The following FAM156A variants were observed in gnomAD, a reference collection of about 807,000 sequenced individuals.
FAM156A encodes the protein family with sequence similarity 156 member A, also known as protein FAM156A/FAM156B.
chrX:52,979,217 T>C (rs147048319), intron 1 of FAM156A, among the ~76,000 whole-genome samples: 6,670 of 111,118 alleles, frequency 0.06, 494 homozygotes, highest in African/African-American at 0.21. Flanking sequence ...CCTACTGGCC[T>C]TTCTCCTTGA....
chrX:52,973,999 A>C (rs1204493265), intron 1 of FAM156A, among the ~76,000 whole-genome samples: 1 of 110,587 alleles, frequency 9.0e-6, no homozygotes, highest in Non-Finnish European at 1.9e-5. Context: ...CTTATTTAGA[A>C]AAAAGGTCTC....
At chrX:52,992,953 C>G (rs1322040370) in intron 1 of FAM156A, among the ~76,000 whole-genome samples, 2 of 111,809 alleles carry the variant, frequency 1.8e-5, no homozygotes, top group African/African-American at 6.5e-5. Flanking sequence ...GGGCTCAAGC[C>G]CTGTGTCTCC....
At chrX:52,992,461 C>T (rs1256042362) in intron 1 of FAM156A, among the ~76,000 whole-genome samples, 1 of 111,540 alleles carries the variant, frequency 9.0e-6, no homozygotes, top group Non-Finnish European at 1.9e-5. Context: ...AGACCTGGAG[C>T]CCAGGGGAGG....
chrX:52,982,507 G>A (rs1310989333), intron 1 of FAM156A, among the ~76,000 whole-genome samples: 15 of 111,032 alleles, frequency 1.4e-4, no homozygotes, highest in African/African-American at 2.0e-4. Flanking sequence ...TGTAAGTAAC[G>A]ATATATTAAT....
At chrX:52,993,864 G>A (rs1930978418) in intron 1 of FAM156A, among the ~76,000 whole-genome samples, 1 of 111,621 alleles carries the variant, frequency 9.0e-6, no homozygotes, top group African/African-American at 3.3e-5. Flanking sequence ...AGACGCTCAG[G>A]AAATTCTTGT....
At chrX:52,992,965 G>A (rs1386392922) in intron 1 of FAM156A, among the ~76,000 whole-genome samples, 3 of 111,798 alleles carry the variant, frequency 2.7e-5, no homozygotes, top group Non-Finnish European at 3.8e-5. Flanking sequence ...TGTGTCTCCC[G>A]TGGCACAATA....
intron 1 of FAM156A, among the ~76,000 whole-genome samples, chrX:52,975,799 G>A (rs1294265123): frequency 1.8e-5 from 2 of 112,262 alleles, no homozygotes; most frequent in Non-Finnish European, 3.8e-5. Flanking sequence ...GCCATGTGCT[G>A]CCAAATTGCG....
intron 1 of FAM156A, among the ~76,000 whole-genome samples, chrX:52,973,817 C>T (rs1929228976): frequency 9.0e-6 from 1 of 110,855 alleles, no homozygotes; most frequent in African/African-American, 3.3e-5. Context: ...TGCACGCCGC[C>T]ACGCCTGGCT....
At chrX:52,990,911 G>T (rs1486188031) in intron 1 of FAM156A, among the ~76,000 whole-genome samples, 1 of 111,562 alleles carries the variant, frequency 9.0e-6, no homozygotes, top group South Asian at 3.8e-4. Flanking sequence ...GAAGGCCTCG[G>T]CAAAGGACTG....
chrX:52,991,707 C>T (rs1187173645), intron 1 of FAM156A, among the ~76,000 whole-genome samples: 5 of 112,445 alleles, frequency 4.4e-5, no homozygotes, highest in South Asian at 7.4e-4. Flanking sequence ...ATGACAGTTA[C>T]CATCAAGGCT....
intron 1 of FAM156A, among the ~76,000 whole-genome samples, chrX:52,976,537 G>C (rs1458645581): frequency 2.7e-5 from 3 of 112,152 alleles, no homozygotes; most frequent in Non-Finnish European, 5.6e-5. Context: ...CAAAATGATT[G>C]AGTTTCCCAC....
At chrX:52,988,895 G>T (rs1465007448) in intron 1 of FAM156A, among the ~76,000 whole-genome samples, 1 of 111,743 alleles carries the variant, frequency 8.9e-6, no homozygotes, top group Admixed American at 9.5e-5. Context: ...TTACAAGTAG[G>T]GTTACTCTAT....
Position 52,983,373 on chromosome X carries a change from A to C in FAM156A, c.-434+11933T>G, listed in dbSNP as rs782809500. Among the ~76,000 whole-genome samples, 3 of 105,475 alleles carry C rather than the reference A, an allele frequency of 2.8e-5. No individual in the cohort carries two copies. The East Asian group carries it at 8.5e-4, about 30-fold the overall frequency. The allele number at this position is 105,475 out of a possible 115,157, so 91.6% of individuals were successfully genotyped here. A position where few individuals can be genotyped will look rare whatever the true frequency, so the allele number is the denominator to read the frequency against. On this transcript the variant is annotated intron_variant, in intron 1 of 4. Transcript: ENST00000610625. ...ATTTTATCATACATCCAGATGCAGC[A>C]GCCATAAAACAAAAAAAAAAGCTAT...
chrX:52,991,894 C>G (rs983971245), intron 1 of FAM156A, among the ~76,000 whole-genome samples: 1 of 108,247 alleles, frequency 9.2e-6, no homozygotes, highest in African/African-American at 3.4e-5. Context: ...TTCACATAAC[C>G]CTGTGAGGAG....
At chrX:52,977,136 G>GTA (rs1323009999) in intron 1 of FAM156A, among the ~76,000 whole-genome samples, 2 of 97,976 alleles carry the variant, frequency 2.0e-5, no homozygotes, top group Non-Finnish European at 4.1e-5. Flanking sequence ...ATCTTGATAC[G>GTA]TATATATATA....
chrX:52,984,876 AAAAAAC>A (rs1930160370), intron 1 of FAM156A, among the ~76,000 whole-genome samples: 1 of 109,586 alleles, frequency 9.1e-6, no homozygotes, highest in African/African-American at 3.3e-5. Flanking sequence ...CTCAAAAAAC[AAAAAAC>A]AAAAACAAAA....
chrX:52,992,244 G>A (rs1395693344), intron 1 of FAM156A, among the ~76,000 whole-genome samples: 1 of 111,435 alleles, frequency 9.0e-6, no homozygotes, highest in Non-Finnish European at 1.9e-5. Context: ...AAGCCCACAT[G>A]TCCTGGGCTA....
At chrX:52,987,640 C>A (rs1243227887) in intron 1 of FAM156A, among the ~76,000 whole-genome samples, 2 of 105,635 alleles carry the variant, frequency 1.9e-5, no homozygotes, top group African/African-American at 7.0e-5. Flanking sequence ...AGAGTAAGAC[C>A]CTGTCTCAAA....
At chrX:52,993,214 C>G (rs1422705595) in intron 1 of FAM156A, among the ~76,000 whole-genome samples, 1 of 110,527 alleles carries the variant, frequency 9.0e-6, no homozygotes, top group African/African-American at 3.3e-5. Context: ...CAGGTGCTTC[C>G]CCTGCTCCAG....
Sources: gnomAD v4.1 joint callset for allele counts (sites outside exome capture counted in the v4.1 genomes callset) on GRCh38, gnomAD v4.1.1 for gene constraint, MANE v1.5 for transcripts, NCBI Gene and HGNC (gene_info 2026-07-23, HGNC 2026-07-21) for gene names.